Variants in CLEC12A observed in about 807,000 individuals in gnomAD.
CLEC12A encodes C-type lectin domain family 12 member A, also known as C-type lectin protein CLL-1.
CLEC12A carries 22 observed loss-of-function variants against 26.5 expected under a neutral mutation model. The observed-to-expected ratio is 0.83, with a 90% CI of 0.59 to 1.19. CLEC12A has a LOEUF of 1.19. Among genes scored for constraint, CLEC12A ranks in the 50% most tolerant of loss-of-function variants. CLEC12A has a pLI of 0.00. For missense variants in CLEC12A, 353 were observed against 315.6 expected, an observed-to-expected ratio of 1.12 and a Z score of -0.90; for synonymous variants, 119 against 101.9, an observed-to-expected ratio of 1.17 and a Z score of -1.01.
intron 1 of CLEC12A, among the ~76,000 whole-genome samples, chr12:9,976,463 C>G (rs1864340337): frequency 6.6e-6 from 1 of 152,162 alleles, no homozygotes. Context: ...GGGCCTGTAG[C>G]CCCTTTGTTT....
chr12:9,994,257 G>A (rs981541312), intron 4 of CLEC12A, among the ~76,000 whole-genome samples: 2 of 152,072 alleles, frequency 1.3e-5, no homozygotes, highest in African/African-American at 4.8e-5. Context: ...TTTGTTGGAA[G>A]AATGTAAAGA....
intron 1 of CLEC12A, among the ~76,000 whole-genome samples, chr12:9,972,750 A>G (rs1300307730): frequency 2.0e-5 from 3 of 152,228 alleles, no homozygotes; most frequent in Non-Finnish European, 4.4e-5. Context: ...GAGAAAGGAT[A>G]GCAGATTAAT....
intron 1 of CLEC12A, among the ~76,000 whole-genome samples, chr12:9,956,624 C>A (rs1863745309): frequency 6.6e-6 from 1 of 152,208 alleles, no homozygotes; most frequent in African/African-American, 2.4e-5. Context: ...AAAGTTCCAG[C>A]AAAGCCAATT....
At chr12:9,997,218 T>C (rs748742795), downstream of CLEC12A, 2 of 1,613,972 alleles carry the variant, frequency 1.2e-6, no homozygotes, top group South Asian at 2.2e-5. Flanking sequence ...GCTTTGCTAA[T>C]TGTTGCAGAG....
chr12:9,989,998 C>G (rs766250528), downstream of CLEC12A, among the ~76,000 whole-genome samples: 4 of 151,828 alleles, frequency 2.6e-5, no homozygotes, highest in Non-Finnish European at 4.4e-5. Context: ...GCATTGTTTA[C>G]TGAGTATTTT....
intron 1 of CLEC12A, among the ~76,000 whole-genome samples, chr12:9,955,489 AAT>A (rs920790144): frequency 1.3e-5 from 2 of 152,204 alleles, no homozygotes; most frequent in African/African-American, 2.4e-5. Context: ...TCTCATAAGT[AAT>A]ATAGATAATT....
intron 1 of CLEC12A, among the ~76,000 whole-genome samples, chr12:9,972,906 T>C (rs1565555096): frequency 6.6e-6 from 1 of 152,128 alleles, no homozygotes; most frequent in Non-Finnish European, 1.5e-5. Context: ...GAGCCTAATA[T>C]TACCAACAAT....
At chr12:9,968,381 A>C, upstream of CLEC12A, among the ~76,000 whole-genome samples, 1 of 98,980 alleles carries the variant, frequency 1.0e-5, no homozygotes, top group East Asian at 3.5e-4. Flanking sequence ...CAGCGAAGGG[A>C]GATGGGGTGG....
At chr12:9,953,759 GA>G (rs1487690657) in intron 1 of CLEC12A, among the ~76,000 whole-genome samples, 2 of 152,100 alleles carry the variant, frequency 1.3e-5, no homozygotes, top group Non-Finnish European at 2.9e-5. Context: ...CGGCTTTGTG[GA>G]ATAGAAAGGC....
chr12:9,970,280 A>G (rs904617969), upstream of CLEC12A, among the ~76,000 whole-genome samples: 4 of 152,056 alleles, frequency 2.6e-5, no homozygotes. Context: ...GCAAATATCT[A>G]GTTAATTTCT....
upstream of CLEC12A, among the ~76,000 whole-genome samples, chr12:9,969,104 G>C (rs923207827): frequency 2.7e-4 from 41 of 152,156 alleles, 1 homozygote; most frequent in Non-Finnish European, 4.1e-4. Context: ...AGAAAGGGGT[G>C]GTGGGGGATA....
chr12:10,002,744 T>G, the CLEC12A span, among the ~76,000 whole-genome samples: 1 of 152,110 alleles, frequency 6.6e-6, no homozygotes, highest in Non-Finnish European at 1.5e-5. Context: ...ACCCGGCAAT[T>G]TGAGGAACTT....
At chr12:10,005,372 A>C in the CLEC12A span, among the ~76,000 whole-genome samples, 3 of 151,726 alleles carry the variant, frequency 2.0e-5, no homozygotes, top group Non-Finnish European at 4.4e-5. Context: ...CGTTGTGCTC[A>C]TGAGGATTGG....
In CLEC12A at chr12:9,995,157, C is replaced by G. The variant is rs745586944; in HGVS notation, n.1144C>G. 3.1e-6 allele frequency: 5 copies of G among 1,612,616 alleles called. No individual in the cohort carries two copies. In the African/African-American group the frequency reaches 4.0e-5, roughly 13 times the overall value. On this transcript the variant is annotated non_coding_transcript_exon_variant, in exon 5 of 5. Coordinates refer to the CLEC12A transcript ENST00000449959. ...TGACTTACATATTTTCTGAGATAAC[C>G]GAGCCATCCTCCCACTTCCAGACCT...
chr12:9,966,825 T>A (rs1420775033), upstream of CLEC12A, among the ~76,000 whole-genome samples: 1 of 109,268 alleles, frequency 9.2e-6, no homozygotes, highest in Non-Finnish European at 2.0e-5. Flanking sequence ...AGACGGCCTT[T>A]TGACCTTTTA....
downstream of CLEC12A, among the ~76,000 whole-genome samples, chr12:9,988,422 C>G (rs1200772186): frequency 6.6e-6 from 1 of 152,178 alleles, no homozygotes; most frequent in Non-Finnish European, 1.5e-5. Flanking sequence ...TCAGAGTGTA[C>G]AGGCAACCTA....
chr12:9,993,395 G>GTAA, intron 4 of CLEC12A: 1 of 588,794 alleles, frequency 1.7e-6, no homozygotes, highest in East Asian at 3.6e-5. Flanking sequence ...GAGGAAAATA[G>GTAA]GAAAAAAAAA....
At chr12:9,957,533 A>G (rs1445772003) in intron 1 of CLEC12A, among the ~76,000 whole-genome samples, 2 of 152,064 alleles carry the variant, frequency 1.3e-5, no homozygotes, top group Non-Finnish European at 2.9e-5. Flanking sequence ...GTGTGGGTAG[A>G]TAAGAGACAA....
At position 9,979,533 on chromosome 12, in the gene CLEC12A, G is replaced by A. The variant is rs201517573; in HGVS notation, c.379+9G>A. 1.3e-5 allele frequency: 20 copies of A among 1,596,916 alleles called. No homozygotes were observed. The highest frequency in any genetic ancestry group is 5.2e-5 in the Admixed American group (3 of 57,532). On this transcript the variant is annotated intron_variant, in intron 3 of 5. Transcript: ENST00000304361. ...ATATAGCAAAGAACAAGGTAATCTTGTATTCTCTTGGAGTTATTTATTGGA... is the reference window on the plus strand; with the variant it reads ...ATATAGCAAAGAACAAGGTAATCTTATATTCTCTTGGAGTTATTTATTGGA...
Sources: allele counts gnomAD v4.1 joint callset (sites outside exome capture counted in the v4.1 genomes callset), GRCh38; gene constraint gnomAD v4.1.1; transcripts MANE v1.5; gene names NCBI Gene and HGNC (gene_info 2026-07-23, HGNC 2026-07-21).